Variants in KCTD2 observed in about 807,000 individuals in gnomAD.
KCTD2 encodes BTB/POZ domain-containing protein KCTD2.
KCTD2 carries 18 observed loss-of-function variants against 27.9 expected under a neutral mutation model. That is an observed-to-expected ratio of 0.64 (90% CI 0.45 to 0.96). The LOEUF (loss-of-function observed/expected upper bound fraction) is 0.96. Ranked by LOEUF, KCTD2 falls within the 40% of genes least tolerant of loss-of-function variation. The pLI is 0.00. For synonymous variants in KCTD2, 175 were observed against 148.4 expected (o/e 1.18, Z -1.30); for missense variants, 280 against 348.0 (o/e 0.80, Z 1.56).
Position 75,062,294 on chromosome 17 carries a change from C to G in KCTD2, c.762+49C>G, listed in dbSNP as rs751332842. ...GTTGCCTCTGGCTTGCTTGTTCGCACCCCCTCCGTGGGCTTTTCCTGAACT... is the reference window on the plus strand; with the variant it reads ...GTTGCCTCTGGCTTGCTTGTTCGCAGCCCCTCCGTGGGCTTTTCCTGAACT... On this transcript the variant is annotated intron_variant, in intron 5 of 5. Coordinates refer to ENST00000322444, the MANE Select transcript of KCTD2 (RefSeq NM_015353.3). 2.5e-6 allele frequency: 4 copies of G among 1,571,658 alleles called. No individual in the cohort carries two copies. The Admixed American group carries it at 7.7e-5, about 30-fold the overall frequency.
rs557115457 is a variant in KCTD2 at position 75,059,337 on chromosome 17, G to A, written c.541-173G>A. The A allele has an allele frequency of 3.6e-3, 1,499 of 415,054 alleles. 48 individuals carry two copies. The Admixed American group carries it at 0.042, about 12-fold the overall frequency. The allele number at this position is 415,054 out of a possible 1,614,324, so 25.7% of individuals were successfully genotyped here. On this transcript the variant is annotated intron_variant, in intron 3 of 5. Coordinates refer to ENST00000322444, the MANE Select transcript of KCTD2 (RefSeq NM_015353.3). ...AGAAAAACATTTTTTAAAGAGAAGG[G>A]AAAAAAAGAAACGCCACAGTACTAT... is the stretch of plus-strand genomic sequence containing the variant.
At chr17:75,054,762 G>T (rs899990235) in intron 3 of KCTD2, among the ~76,000 whole-genome samples, 4 of 150,516 alleles carry the variant, frequency 2.7e-5, no homozygotes, top group Non-Finnish European at 5.9e-5. Flanking sequence ...AGCCAAGATC[G>T]CACCACTGCA....
rs147284668 is a variant in KCTD2, at chr17:75,042,224, G to T, written c.-259+6867G>T. 3.7e-4 allele frequency: 591 copies of T among 1,614,066 alleles called. No homozygotes were observed. The highest frequency in any genetic ancestry group is 4.6e-4 in the Non-Finnish European group (540 of 1,180,026). On this transcript the variant is annotated intron_variant, in intron 3 of 7. Coordinates refer to the KCTD2 transcript ENST00000581589. Reference sequence around the variant, plus strand: ...CACCAAGCCAGCCTTGGCCACATTGGCCTTGTAGTAAGCCCAGTCGATAGC... The same window carrying T: ...CACCAAGCCAGCCTTGGCCACATTGTCCTTGTAGTAAGCCCAGTCGATAGC...
chr17:75,047,274 G>A lies in KCTD2; in HGVS notation c.24G>A (p.Pro8=), dbSNP rs1490955761. The change falls in exon 1 of 6, where the codon CCG becomes CCA. Residue 8 remains proline (P), a synonymous_variant. Transcript: ENST00000322444. MAELQLD[P]AMAGLGGGGG... Reference sequence around the variant, plus strand: ...AGATGGCGGAACTGCAGCTGGACCCGGCGATGGCGGGGCTGGGAGGGGGCG... The same window carrying A: ...AGATGGCGGAACTGCAGCTGGACCCAGCGATGGCGGGGCTGGGAGGGGGCG... 4 of 1,093,234 alleles carry A rather than the reference G, an allele frequency of 3.7e-6. No homozygotes were observed. Among genetic ancestry groups the A allele is most frequent in the East Asian group, 3.7e-5 (1 of 27,038 alleles). 67.7% of individuals were successfully genotyped at this position (1,093,234 alleles called of 1,614,324 possible).
At chr17:75,052,906 A>G in intron 2 of KCTD2, 108 bp from the exon 3 acceptor site, 1 of 832,312 alleles carries the variant, frequency 1.2e-6, no homozygotes. Context: ...AAAATAAGTA[A>G]ATAAATAAAT....
At chr17:75,040,344 A>C (rs1017132126) in intron 3 of KCTD2, 7 of 657,732 alleles carry the variant, frequency 1.1e-5, no homozygotes, top group African/African-American at 1.8e-5. Context: ...TGGAGTAGAA[A>C]GAATATTAGA....
upstream of KCTD2, chr17:75,042,808 G>C (rs1426418867): frequency 8.6e-6 from 7 of 814,898 alleles, no homozygotes; most frequent in Non-Finnish European, 1.1e-5. Flanking sequence ...TTGAACCCAG[G>C]AGGTGGAGGT....
intron 1 of KCTD2, chr17:75,033,009 G>A (rs1194900906): frequency 6.6e-6 from 1 of 152,266 alleles, no homozygotes; most frequent in Non-Finnish European, 1.5e-5. Context: ...TTTGCCCTGC[G>A]ATGCTGGGGC....
chr17:75,042,618 A>G (rs761277428), upstream of KCTD2: 4 of 1,612,314 alleles, frequency 2.5e-6, no homozygotes, highest in South Asian at 1.1e-5. Context: ...CTACCCAGTC[A>G]ATGGTTTTTA....
chr17:75,039,313 A>G, intron 3 of KCTD2: 1 of 1,572,952 alleles, frequency 6.4e-7, no homozygotes, highest in Non-Finnish European at 8.7e-7. Flanking sequence ...ACCAGGCTGC[A>G]TTCTACCCCA....
At chr17:75,053,884 T>TTTTTTTTTTTTTTTTTTTTTTG (rs2073320829) in intron 3 of KCTD2, among the ~76,000 whole-genome samples, 1 of 141,790 alleles carries the variant, frequency 7.1e-6, no homozygotes, top group Non-Finnish European at 1.5e-5. Context: ...TTTTTTTTTT[T>TTTTTTTTTTTTTTTTTTTTTTG]GAGACAGAGT....
upstream of KCTD2, among the ~76,000 whole-genome samples, chr17:75,045,975 A>C (rs2073211301): frequency 6.6e-6 from 1 of 152,264 alleles, no homozygotes; most frequent in Non-Finnish European, 1.5e-5. Context: ...ATAAATGTCC[A>C]TAAAATCTTC....
chr17:75,041,608 CAG>C (rs1170409269), intron 3 of KCTD2: 1 of 152,404 alleles, frequency 6.6e-6, no homozygotes, highest in Non-Finnish European at 1.5e-5. Context: ...CCCTGGGTGA[CAG>C]AGCAAAACTC....
At position 75,062,699 on chromosome 17, in the gene KCTD2, A is replaced by AACACACACACACACACACACACACAC. The variant is rs10533801; in HGVS notation, c.763-299_763-274dup. ...TCCACTGTGCACCCCCCTCACCCCC[A>AACACACACACACACACACACACACAC]ACACACACACACACACACACACACA... On this transcript the variant is annotated intron_variant, in intron 5 of 5. Transcript: ENST00000322444. Among the ~76,000 whole-genome samples, 284 of 116,070 alleles carry AACACACACACACACACACACACACAC rather than the reference A, an allele frequency of 2.4e-3. 20 individuals carry two copies. Among genetic ancestry groups the AACACACACACACACACACACACACAC allele is most frequent in the Middle Eastern group, 9.0e-3 (2 of 222 alleles). 76.1% of individuals were successfully genotyped at this position (116,070 alleles called of 152,430 possible). A position where few individuals can be genotyped will look rare whatever the true frequency, so the allele number is the denominator to read the frequency against.
intron 3 of KCTD2, chr17:75,039,903 T>G: frequency 1.5e-6 from 1 of 663,130 alleles, no homozygotes; most frequent in Non-Finnish European, 2.6e-6. Context: ...ACTCTTCTTT[T>G]TCTTGTTGGC....
At chr17:75,056,271 C>A (rs1598125880) in intron 3 of KCTD2, among the ~76,000 whole-genome samples, 1 of 152,180 alleles carries the variant, frequency 6.6e-6, no homozygotes, top group East Asian at 1.9e-4. Context: ...TGTCACCAGT[C>A]TCTTTGCTAT....
intron 3 of KCTD2, among the ~76,000 whole-genome samples, chr17:75,055,452 AC>A (rs1461198387): frequency 6.6e-6 from 1 of 150,554 alleles, no homozygotes; most frequent in African/African-American, 2.4e-5. Context: ...ATGGTGGCTC[AC>A]GCCTGTAATC....
upstream of KCTD2, among the ~76,000 whole-genome samples, chr17:75,044,379 G>C (rs1418517043): frequency 2.7e-5 from 3 of 113,100 alleles, no homozygotes; most frequent in Non-Finnish European, 4.7e-5. Context: ...CTAATTTTTT[G>C]TATTTTTAGT....
At chr17:75,048,968 G>A (rs961959756) in intron 1 of KCTD2, 4 of 318,282 alleles carry the variant, frequency 1.3e-5, no homozygotes, top group Non-Finnish European at 2.3e-5. Flanking sequence ...GTAAGTAAAC[G>A]CCTAAATGAG....
Sources: gnomAD v4.1 joint callset for allele counts (sites outside exome capture counted in the v4.1 genomes callset) on GRCh38, gnomAD v4.1.1 for gene constraint, MANE v1.5 for transcripts, NCBI Gene and HGNC (gene_info 2026-07-23, HGNC 2026-07-21) for gene names.